The following RRAGD variants were observed in gnomAD, a reference collection of about 807,000 sequenced individuals.
RRAGD encodes Ras related GTP binding D, also known as ras-related GTP-binding protein D.
RRAGD carries 12 observed loss-of-function variants against 35.5 expected under a neutral mutation model. That is an observed-to-expected ratio of 0.34 (90% CI 0.22 to 0.55). The LOEUF is 0.55. Among genes scored for constraint, RRAGD ranks in the 20% least tolerant of loss-of-function variants. The pLI, the probability that RRAGD is intolerant of heterozygous loss-of-function variation, is 0.91. For missense variants in RRAGD, 324 were observed against 490.1 expected (o/e 0.66, Z 3.20); for synonymous variants, 155 against 178.9 (o/e 0.87, Z 1.07).
intron 1 of RRAGD, among the ~76,000 whole-genome samples, chr6:89,401,987 G>A (rs372327166): frequency 6.8e-5 from 10 of 147,508 alleles, no homozygotes; most frequent in Admixed American, 3.4e-4. Context: ...TCAGGAGGGT[G>A]ATACTGGGAA....
chr6:89,409,988 A>T lies in RRAGD; in HGVS notation c.148+1858T>A, dbSNP rs999942730. ...AAAGCCCATTCAGAAGGATTTTATT[A>T]TGCGAGTCACCAAAAATCAGTTACA... On this transcript the variant is annotated intron_variant, in intron 1 of 6. Transcript: ENST00000369415. Among the ~76,000 whole-genome samples, 5 of 152,238 alleles carry T rather than the reference A, an allele frequency of 3.3e-5. No homozygotes were observed. In the East Asian group the frequency reaches 9.6e-4, roughly 29 times the overall value.
chr6:89,386,814 C>A lies in RRAGD; in HGVS notation c.444+481G>T, dbSNP rs182599624. Among the ~76,000 whole-genome samples the A allele has an allele frequency of 6.4e-4, 98 of 152,118 alleles. No homozygotes were observed. In the Middle Eastern group the frequency reaches 0.01, roughly 16 times the overall value. ...AGAGGGATATTTATCTCAAATTTTA[C>A]TTTTTATATGTAATAATCATCTATA... On this transcript the variant is annotated intron_variant, in intron 2 of 6. Transcript: ENST00000369415.
intron 6 of RRAGD, 48 bp from the exon 7 acceptor site, chr6:89,368,255 T>TC (rs1768791127): frequency 6.4e-7 from 1 of 1,569,380 alleles, no homozygotes; most frequent in African/African-American, 1.4e-5. Context: ...AGAAATAATC[T>TC]CCATCTTTTC....
chr6:89,382,884 TAA>T (rs60288774), intron 2 of RRAGD, among the ~76,000 whole-genome samples: 1 of 145,980 alleles, frequency 6.9e-6, no homozygotes, highest in African/African-American at 2.5e-5. Flanking sequence ...TCAAAAAAAA[TAA>T]AAAAAAAAAT....
chr6:89,374,801 CT>C (rs1300538378), intron 5 of RRAGD, among the ~76,000 whole-genome samples: 1 of 151,746 alleles, frequency 6.6e-6, no homozygotes, highest in African/African-American at 2.4e-5. Flanking sequence ...TCACTATAAC[CT>C]ACCAAAACAT....
chr6:89,374,752 TG>T (rs534786296), intron 5 of RRAGD, among the ~76,000 whole-genome samples: 148 of 151,116 alleles, frequency 9.8e-4, no homozygotes, highest in African/African-American at 3.4e-3. Context: ...AAGTAAATTG[TG>T]GAAGTTCGTA....
At chr6:89,372,408 G>GCT (rs1189805573) in intron 6 of RRAGD, 29 bp downstream of exon 6, 1 of 1,583,972 alleles carries the variant, frequency 6.3e-7, no homozygotes, top group African/African-American at 1.4e-5. Flanking sequence ...TTCTTTTAAT[G>GCT]CTTCTTTTAA....
At chr6:89,380,674 C>T (rs2127887940) in intron 2 of RRAGD, among the ~76,000 whole-genome samples, 1 of 152,048 alleles carries the variant, frequency 6.6e-6, no homozygotes, top group Admixed American at 6.6e-5. Context: ...TTGGGAGGCC[C>T]AGGCAGGTGG....
chr6:89,368,964 G>C (rs1324742056), intron 6 of RRAGD, among the ~76,000 whole-genome samples: 1 of 152,166 alleles, frequency 6.6e-6, no homozygotes, highest in African/African-American at 2.4e-5. Flanking sequence ...TTAGGATAAG[G>C]TGGTCAGTTC....
intron 4 of RRAGD, among the ~76,000 whole-genome samples, 194 bp from the exon 5 acceptor site, chr6:89,378,007 G>T (rs1377308999): frequency 6.6e-6 from 1 of 152,176 alleles, no homozygotes; most frequent in African/African-American, 2.4e-5. Context: ...ACTTGCATAA[G>T]AAATAAAAAG....
intron 1 of RRAGD, among the ~76,000 whole-genome samples, chr6:89,389,688 T>C (rs2127891787): frequency 6.6e-6 from 1 of 152,280 alleles, no homozygotes; most frequent in Non-Finnish European, 1.5e-5. Context: ...GCTTAATTGG[T>C]AAGCAGCCTT....
At chr6:89,401,193 T>C (rs1769452669) in intron 1 of RRAGD, among the ~76,000 whole-genome samples, 1 of 151,952 alleles carries the variant, frequency 6.6e-6, no homozygotes, top group Non-Finnish European at 1.5e-5. Context: ...TTCAGGAAAC[T>C]GGAGGTTAGG....
intron 4 of RRAGD, among the ~76,000 whole-genome samples, chr6:89,378,277 G>C (rs913120876): frequency 6.6e-6 from 1 of 151,374 alleles, no homozygotes; most frequent in African/African-American, 2.4e-5. Flanking sequence ...ACTCCAGCCT[G>C]GGCAACAAGA....
chr6:89,407,216 T>C (rs946216110), intron 1 of RRAGD, among the ~76,000 whole-genome samples: 2 of 152,142 alleles, frequency 1.3e-5, no homozygotes, highest in Admixed American at 1.3e-4. Context: ...ACTTTTTGTC[T>C]GCAGTGTCAC....
At chr6:89,382,604 G>A (rs571131380) in intron 2 of RRAGD, among the ~76,000 whole-genome samples, 19 of 151,664 alleles carry the variant, frequency 1.3e-4, no homozygotes, top group South Asian at 8.3e-4. Context: ...GGCCGGGCGC[G>A]GTGGCTCACG....
intron 1 of RRAGD, among the ~76,000 whole-genome samples, chr6:89,388,873 C>T (rs1769181865): frequency 6.6e-6 from 1 of 152,170 alleles, no homozygotes; most frequent in Non-Finnish European, 1.5e-5. Flanking sequence ...GATCATCAGG[C>T]ACTGGATTCT....
intron 1 of RRAGD, among the ~76,000 whole-genome samples, chr6:89,398,563 A>C (rs1769386058): frequency 6.6e-6 from 1 of 152,234 alleles, no homozygotes; most frequent in Non-Finnish European, 1.5e-5. Context: ...AGCAGGCAGG[A>C]GCTCCTCCAG....
intron 1 of RRAGD, among the ~76,000 whole-genome samples, chr6:89,392,479 C>T (rs199947080): frequency 2.1e-5 from 3 of 141,658 alleles, no homozygotes; most frequent in Non-Finnish European, 4.6e-5. Flanking sequence ...AACCCTGTCT[C>T]GAAAAAAAAA....
In RRAGD at chr6:89,367,965, C is replaced by T; in HGVS notation, c.*91G>A. The T allele has an allele frequency of 1.7e-6, 2 of 1,160,960 alleles. No individual in the cohort carries two copies. Among genetic ancestry groups the T allele is most frequent in the Non-Finnish European group, 2.4e-6 (2 of 845,758 alleles). 71.9% of individuals were successfully genotyped at this position (1,160,960 alleles called of 1,614,324 possible). A position where few individuals can be genotyped will look rare whatever the true frequency, so the allele number is the denominator to read the frequency against. Reference sequence around the variant, plus strand: ...TAACAACAAATCAATGGTATGTGTCCCAATCTCCTTCTTCCTCTTCCTTTA... The same window carrying T: ...TAACAACAAATCAATGGTATGTGTCTCAATCTCCTTCTTCCTCTTCCTTTA... On this transcript the variant is annotated 3_prime_UTR_variant, in exon 7 of 7. Transcript: ENST00000369415.
Sources: gnomAD v4.1 joint callset for allele counts (sites outside exome capture counted in the v4.1 genomes callset) on GRCh38, gnomAD v4.1.1 for gene constraint, MANE v1.5 for transcripts, NCBI Gene and HGNC (gene_info 2026-07-23, HGNC 2026-07-21) for gene names.